ELMOD1: variants seen among roughly 807,000 people sequenced by gnomAD.
The protein encoded by ELMOD1 is ELMO domain-containing protein 1.
Under a neutral mutation model 46.7 loss-of-function variants are expected in ELMOD1, and 21 were observed. The observed-to-expected ratio is 0.45, with a 90% CI of 0.32 to 0.65. The LOEUF (loss-of-function observed/expected upper bound fraction) is 0.65. Ranked by LOEUF, ELMOD1 falls within the 30% of genes least tolerant of loss-of-function variation. The probability of loss-of-function intolerance (pLI) is 0.04; values close to 1 mark genes in which losing one functional copy is unlikely to be tolerated. For missense variants in ELMOD1, 348 were observed against 407.8 expected (o/e 0.85, Z 1.26); for synonymous variants, 122 against 138.2 (o/e 0.88, Z 0.82).
chr11:107,654,487 G>C (rs1053891604), intron 10 of ELMOD1, among the ~76,000 whole-genome samples: 1 of 152,094 alleles, frequency 6.6e-6, no homozygotes, highest in Non-Finnish European at 1.5e-5. Flanking sequence ...ATTGTGTTTG[G>C]GGCCGGGCGC....
intron 1 of ELMOD1, chr11:107,600,431 G>T (rs1865577685): frequency 6.6e-6 from 1 of 152,104 alleles, no homozygotes; most frequent in Non-Finnish European, 1.5e-5. Flanking sequence ...TGTGTATGAT[G>T]CTAACACGTC....
chr11:107,603,032 G>A (rs1865628899), intron 1 of ELMOD1, among the ~76,000 whole-genome samples: 1 of 152,114 alleles, frequency 6.6e-6, no homozygotes, highest in African/African-American at 2.4e-5. Flanking sequence ...AAGAAGGATG[G>A]CAGGGATCTC....
intron 2 of ELMOD1, among the ~76,000 whole-genome samples, chr11:107,624,519 C>T (rs1325660236): frequency 8.5e-5 from 13 of 152,100 alleles, no homozygotes; most frequent in Admixed American, 2.0e-4. Context: ...AGCATTGTGG[C>T]GCGTACCTGT....
chr11:107,625,521 G>A (rs1222269270), intron 2 of ELMOD1: 1 of 985,276 alleles, frequency 1.0e-6, no homozygotes, highest in Admixed American at 6.2e-5. Context: ...ATGGCATAGT[G>A]TTGCATTACA....
rs1207963760 is a variant in ELMOD1 at position 107,665,268 on chromosome 11, G to A, written c.*71G>A. 34 of 1,469,514 alleles carry A rather than the reference G, an allele frequency of 2.3e-5. 1 individual carries two copies. The South Asian group carries it at 3.0e-4, about 13-fold the overall frequency. The allele number at this position is 1,469,514 out of a possible 1,614,324, so 91.0% of individuals were successfully genotyped here. Reference sequence around the variant, plus strand: ...GTCTTGTTAGATCTCTGCTTAGGTCGCAGCTCACGCATTGAATGCACACAG... The same window carrying A: ...GTCTTGTTAGATCTCTGCTTAGGTCACAGCTCACGCATTGAATGCACACAG... On this transcript the variant is annotated 3_prime_UTR_variant, in exon 12 of 12. Transcript: ENST00000265840.
chr11:107,607,027 T>A (rs1271430287), intron 1 of ELMOD1, among the ~76,000 whole-genome samples: 1 of 152,256 alleles, frequency 6.6e-6, no homozygotes, highest in Non-Finnish European at 1.5e-5. Context: ...TTATGATTTG[T>A]CAATTAAAAA....
intron 1 of ELMOD1, 32 bp from the exon 2 acceptor site, chr11:107,618,072 TA>T: frequency 8.2e-7 from 1 of 1,216,222 alleles, no homozygotes; most frequent in Non-Finnish European, 1.2e-6. Flanking sequence ...GCCTTATTAG[TA>T]AATATACCTA....
intron 1 of ELMOD1, among the ~76,000 whole-genome samples, chr11:107,594,810 T>C (rs1177048339): frequency 6.6e-6 from 1 of 152,212 alleles, no homozygotes; most frequent in Non-Finnish European, 1.5e-5. Flanking sequence ...TTGATCCAGC[T>C]ATCTTTAAAA....
At chr11:107,592,279 C>T (rs1383310907) in intron 1 of ELMOD1, 5 of 522,196 alleles carry the variant, frequency 9.6e-6, no homozygotes, top group Non-Finnish European at 2.0e-5. Flanking sequence ...CTGCACAGTG[C>T]CCTGAGCTTT....
rs1417583935 is a variant in ELMOD1, at chr11:107,591,755, A to G, written c.-86+346A>G. 6.7e-6 allele frequency: 3 copies of G among 445,532 alleles called. No individual in the cohort carries two copies. The East Asian group carries it at 2.2e-4, about 32-fold the overall frequency. 27.6% of individuals were successfully genotyped at this position (445,532 alleles called of 1,614,324 possible). On this transcript the variant is annotated intron_variant, in intron 1 of 11. Coordinates refer to ENST00000265840, the MANE Select transcript of ELMOD1 (RefSeq NM_018712.4). ...CGGGGAAGGGATCCCAGACAGAGCCAAAATGGAAGGCGGGACAAGGGCGGC... is the reference window on the plus strand; with the variant it reads ...CGGGGAAGGGATCCCAGACAGAGCCGAAATGGAAGGCGGGACAAGGGCGGC...
chr11:107,655,165 A>G (rs74862427), intron 10 of ELMOD1, among the ~76,000 whole-genome samples: 10 of 135,832 alleles, frequency 7.4e-5, no homozygotes, highest in African/African-American at 2.8e-4. Flanking sequence ...ACATCTGTGT[A>G]TATAATAAAA....
rs1032468340 is a variant in ELMOD1 at position 107,603,770 on chromosome 11, C to T, written c.-86+12361C>T. ...CACATGCCTCGTGATCCCAGCTACT[C>T]GGGAGGCTGAGGCAGGAGAATTGCT... On this transcript the variant is annotated intron_variant, in intron 1 of 11. Transcript: ENST00000265840. Among the ~76,000 whole-genome samples the T allele has an allele frequency of 6.0e-5, 9 of 149,224 alleles. No individual in the cohort carries two copies. In the East Asian group the frequency reaches 1.0e-3, roughly 17 times the overall value.
In ELMOD1 at chr11:107,618,247, G is replaced by A. The variant is rs1381261081; in HGVS notation, c.17+41G>A. On this transcript the variant is annotated intron_variant, in intron 2 of 11. Coordinates refer to ENST00000265840, the MANE Select transcript of ELMOD1 (RefSeq NM_018712.4). ...TCCCTGGCTGAGCCCTCTGCAGTGG[G>A]AGAAACCTCCTCACTGGTTAGGGTA... is the stretch of plus-strand genomic sequence containing the variant. 4 of 1,551,718 alleles carry A rather than the reference G, an allele frequency of 2.6e-6. No individual in the cohort carries two copies. In the African/African-American group the frequency reaches 5.5e-5, roughly 21 times the overall value.
In ELMOD1 at chr11:107,631,667, G is replaced by A. The variant is rs915941934; in HGVS notation, c.280G>A (p.Val94Ile). 6.0e-5 allele frequency: 91 copies of A among 1,519,200 alleles called. No homozygotes were observed. Among genetic ancestry groups the A allele is most frequent in the African/African-American group, 1.7e-4 (12 of 72,114 alleles). 94.1% of individuals were successfully genotyped at this position (1,519,200 alleles called of 1,614,324 possible). ...GGAACTGAAAAAAATTAATCCTGACGTAAATCCACAGTAAGAATATGTTTC... is the reference window on the plus strand; with the variant it reads ...GGAACTGAAAAAAATTAATCCTGACATAAATCCACAGTAAGAATATGTTTC... ...IMELKKINPDVNPQLGISLQA... is the reference protein window; with the variant it reads ...IMELKKINPDINPQLGISLQA... Residue 94 changes from valine (V) to isoleucine (I), a missense_variant, in exon 5 of 12, where the codon GTA (valine) becomes ATA (isoleucine). By Grantham distance (29) the Val-to-Ile change is conservative. Transcript: ENST00000265840.
chr11:107,611,361 A>C (rs1865777161), intron 1 of ELMOD1, among the ~76,000 whole-genome samples: 2 of 152,180 alleles, frequency 1.3e-5, no homozygotes, highest in Admixed American at 1.3e-4. Flanking sequence ...CAGCATCTAT[A>C]AGGAACTTGA....
intron 1 of ELMOD1, among the ~76,000 whole-genome samples, chr11:107,596,384 A>G (rs1486555145): frequency 6.6e-6 from 1 of 152,088 alleles, no homozygotes. Context: ...ATGTGAATTA[A>G]TCAATCTTTG....
chr11:107,665,112 G>A lies in ELMOD1; in HGVS notation c.920G>A (p.Arg307His), dbSNP rs200567010. ...TTTAATCGTGTGAGGGAGAAATTCC[G>A]CAAGAGGATCATCAAACAGCTGCAG... ...MEFNRVREKF[R>H]KRIIKQLQNP... is the part of the protein sequence containing the mutation. Residue 307 changes from arginine (R) to histidine (H), a missense_variant, in exon 12 of 12, where the codon CGC (arginine) becomes CAC (histidine). By Grantham distance (29) the Arg-to-His change is conservative (BLOSUM62 0). Transcript: ENST00000265840. The A allele has an allele frequency of 1.3e-4, 213 of 1,613,910 alleles. 1 individual carries two copies. In the Admixed American group the frequency reaches 1.9e-3, roughly 15 times the overall value.
intron 6 of ELMOD1, among the ~76,000 whole-genome samples, chr11:107,641,665 G>C (rs902983972): frequency 2.6e-5 from 4 of 152,146 alleles, no homozygotes; most frequent in Admixed American, 1.3e-4. Flanking sequence ...GTCCACTGGT[G>C]CAGGAAGGTA....
intron 1 of ELMOD1, among the ~76,000 whole-genome samples, chr11:107,605,467 C>T (rs190224030): frequency 3.9e-5 from 6 of 152,304 alleles, no homozygotes; most frequent in Admixed American, 3.9e-4. Context: ...TTCAAAAGTG[C>T]TGGGATTATG....
Sources: allele counts gnomAD v4.1 joint callset (sites outside exome capture counted in the v4.1 genomes callset), GRCh38; gene constraint gnomAD v4.1.1; transcripts MANE v1.5; gene names NCBI Gene and HGNC (gene_info 2026-07-23, HGNC 2026-07-21).